Variants in LINGO2 observed in about 807,000 individuals in gnomAD.
LINGO2 encodes the protein leucine rich repeat and Ig domain containing 2, also known as leucine-rich repeat and immunoglobulin-like domain-containing nogo receptor-interacting protein 2.
In LINGO2, 14 loss-of-function variants were observed where a neutral mutation model predicts 30.6. The observed-to-expected ratio is 0.46, with a 90% CI of 0.30 to 0.72. The LOEUF (loss-of-function observed/expected upper bound fraction) is 0.72, where lower values mean the gene tolerates loss of function less well. Among genes scored for constraint, LINGO2 ranks in the 30% least tolerant of loss-of-function variants. The probability of loss-of-function intolerance (pLI) is 0.07; values close to 1 mark genes in which losing one functional copy is unlikely to be tolerated. For synonymous variants in LINGO2, 317 were observed against 288.5 expected (o/e 1.10, Z -1.00); for missense variants, 729 against 751.7 (o/e 0.97, Z 0.35).
At position 28,466,919 on chromosome 9, in the gene LINGO2, T is replaced by C. The variant is rs558553899; in HGVS notation, c.-279+9021A>G. 7.9e-5 allele frequency among the ~76,000 whole-genome samples: 12 copies of C among 152,120 alleles called. No homozygotes were observed. In the South Asian group the frequency reaches 2.3e-3, roughly 29 times the overall value. ...GTGTTACAAACTGGTTAAAAATGAC[T>C]AAAATTATTGTTTATACACACTTAA... On this transcript the variant is annotated intron_variant, in intron 2 of 5. Transcript: ENST00000379992.
intron 1 of LINGO2, among the ~76,000 whole-genome samples, chr9:28,505,611 A>G (rs1820076894): frequency 6.6e-6 from 1 of 152,006 alleles, no homozygotes; most frequent in Non-Finnish European, 1.5e-5. Flanking sequence ...AAATAGAAAC[A>G]GAGGGCTTTT....
At chr9:28,816,556 G>A in the LINGO2 span, among the ~76,000 whole-genome samples, 3 of 152,060 alleles carry the variant, frequency 2.0e-5, no homozygotes, top group African/African-American at 7.2e-5. Context: ...ATTCATAGTG[G>A]CTAATTTTAC....
At chr9:28,207,353 T>C (rs991780144) in intron 4 of LINGO2, among the ~76,000 whole-genome samples, 1 of 152,088 alleles carries the variant, frequency 6.6e-6, no homozygotes, top group Non-Finnish European at 1.5e-5. Context: ...AAAATACCAA[T>C]CTCACAATCT....
At chr9:28,981,067 C>T in the LINGO2 span, among the ~76,000 whole-genome samples, 1 of 152,068 alleles carries the variant, frequency 6.6e-6, no homozygotes, top group East Asian at 1.9e-4. Flanking sequence ...CCATAATCAA[C>T]ACTTTGCTTT....
At chr9:28,388,195 TCA>T (rs1163916984) in intron 2 of LINGO2, among the ~76,000 whole-genome samples, 4 of 152,356 alleles carry the variant, frequency 2.6e-5, no homozygotes, top group South Asian at 4.1e-4. Flanking sequence ...CTTTTTTCTC[TCA>T]GTGTCATGTC....
At chr9:28,094,185 T>C (rs1826178368) in intron 4 of LINGO2, among the ~76,000 whole-genome samples, 1 of 152,094 alleles carries the variant, frequency 6.6e-6, no homozygotes, top group Non-Finnish European at 1.5e-5. Flanking sequence ...AGAAAATGAC[T>C]GTAAGATGCA....
At chr9:28,981,889 G>A in the LINGO2 span, among the ~76,000 whole-genome samples, 2 of 151,740 alleles carry the variant, frequency 1.3e-5, no homozygotes, top group South Asian at 4.1e-4. Flanking sequence ...CTGGTATACT[G>A]AAAGAAAATT....
At chr9:28,907,013 C>T in the LINGO2 span, among the ~76,000 whole-genome samples, 2 of 151,856 alleles carry the variant, frequency 1.3e-5, no homozygotes, top group East Asian at 1.9e-4. Flanking sequence ...GACTCACATG[C>T]GTTAAAGCTA....
chr9:28,081,461 A>T (rs1196304963), intron 4 of LINGO2, among the ~76,000 whole-genome samples: 5 of 152,196 alleles, frequency 3.3e-5, no homozygotes, highest in African/African-American at 1.2e-4. Flanking sequence ...TTCATGTGGT[A>T]TATAATGGTA....
At chr9:28,858,033 C>G in the LINGO2 span, among the ~76,000 whole-genome samples, 559 of 151,934 alleles carry the variant, frequency 3.7e-3, 7 homozygotes, top group East Asian at 0.047. Flanking sequence ...TAAACACTAC[C>G]AAACATTCTA....
At chr9:28,758,154 T>G in the LINGO2 span, among the ~76,000 whole-genome samples, 1 of 152,032 alleles carries the variant, frequency 6.6e-6, no homozygotes, top group Non-Finnish European at 1.5e-5. Flanking sequence ...TTCCCTTTAT[T>G]ATGATTGCTT....
intron 2 of LINGO2, among the ~76,000 whole-genome samples, chr9:28,436,933 G>A (rs969587270): frequency 1.3e-5 from 2 of 152,134 alleles, no homozygotes; most frequent in Non-Finnish European, 2.9e-5. Flanking sequence ...CATATGATAC[G>A]AGCTGCAGCT....
At chr9:28,049,137 T>C (rs1049953740) in intron 4 of LINGO2, among the ~76,000 whole-genome samples, 1 of 150,944 alleles carries the variant, frequency 6.6e-6, no homozygotes, top group Non-Finnish European at 1.5e-5. Flanking sequence ...TCTTCATGCC[T>C]TTATCCTAGT....
the LINGO2 span, among the ~76,000 whole-genome samples, chr9:28,881,190 T>C: frequency 6.6e-6 from 1 of 152,074 alleles, no homozygotes; most frequent in Non-Finnish European, 1.5e-5. Flanking sequence ...TACCCACAGG[T>C]GTGGAGGGGC....
chr9:28,340,166 G>A (rs1825721089), intron 3 of LINGO2, among the ~76,000 whole-genome samples: 1 of 152,170 alleles, frequency 6.6e-6, no homozygotes, highest in African/African-American at 2.4e-5. Flanking sequence ...CACTAGTTCT[G>A]TGACCACAGG....
the LINGO2 span, among the ~76,000 whole-genome samples, chr9:28,901,319 A>G: frequency 6.6e-6 from 1 of 152,310 alleles, no homozygotes; most frequent in East Asian, 1.9e-4. Context: ...TACTCAAAGT[A>G]GTTCTTTAAC....
intron 3 of LINGO2, among the ~76,000 whole-genome samples, chr9:28,303,982 T>C (rs1451201609): frequency 1.3e-5 from 2 of 152,076 alleles, no homozygotes; most frequent in African/African-American, 4.8e-5. Flanking sequence ...TATGTGTACA[T>C]ATATATTTAC....
intron 1 of LINGO2, among the ~76,000 whole-genome samples, chr9:28,597,044 G>A (rs967656906): frequency 6.6e-6 from 1 of 152,116 alleles, no homozygotes; most frequent in African/African-American, 2.4e-5. Flanking sequence ...GTAACTGAAA[G>A]CAATGATTCA....
intron 1 of LINGO2, among the ~76,000 whole-genome samples, chr9:28,558,509 C>G (rs1587859905): frequency 6.6e-6 from 1 of 151,986 alleles, no homozygotes; most frequent in African/African-American, 2.4e-5. Context: ...TTCTTCTTTT[C>G]TAGTAGGGGG....
Sources: gnomAD v4.1 joint callset for allele counts (sites outside exome capture counted in the v4.1 genomes callset) on GRCh38, gnomAD v4.1.1 for gene constraint, MANE v1.5 for transcripts, NCBI Gene and HGNC (gene_info 2026-07-23, HGNC 2026-07-21) for gene names.